Variants in GRK3 observed in about 807,000 individuals in gnomAD.
GRK3 encodes adrenergic, beta, receptor kinase 2.
A neutral mutation model predicts 95.7 loss-of-function variants in GRK3; 54 were observed. The ratio of observed to expected loss-of-function variants is 0.56; its 90% CI spans 0.45 to 0.71. The LOEUF (loss-of-function observed/expected upper bound fraction) is 0.71, where lower values mean the gene tolerates loss of function less well. GRK3 is among the 30% of genes least tolerant of loss of function. The pLI is 0.00. For synonymous variants in GRK3, 281 were observed against 290.8 expected, an observed-to-expected ratio of 0.97 and a Z score of 0.34; for missense variants, 649 against 851.2, an observed-to-expected ratio of 0.76 and a Z score of 2.96.
At chr22:25,643,665 A>G (rs905118971) in intron 2 of GRK3, among the ~76,000 whole-genome samples, 2 of 152,208 alleles carry the variant, frequency 1.3e-5, no homozygotes, top group African/African-American at 2.4e-5. Flanking sequence ...AGCTTGTTCT[A>G]TTTAATTTTG....
chr22:25,569,699 G>A (rs924895294), intron 1 of GRK3, among the ~76,000 whole-genome samples: 1 of 152,214 alleles, frequency 6.6e-6, no homozygotes, highest in African/African-American at 2.4e-5. Context: ...CTAGCAGGAC[G>A]CCTGGCCTCC....
In GRK3 at chr22:25,722,559, TC is replaced by T. The variant is rs912437754; in HGVS notation, c.*112del. ...ATTCGCTACCGGGACTCCTCCAGGCTCCCGAGAGGAGTCGGGACCCTTCGGC... is the reference window on the plus strand; with the variant it reads ...ATTCGCTACCGGGACTCCTCCAGGCTCCGAGAGGAGTCGGGACCCTTCGGC... On this transcript the variant is annotated 3_prime_UTR_variant, in exon 21 of 21. Transcript: ENST00000324198. 154 of 1,204,094 alleles carry T rather than the reference TC, an allele frequency of 1.3e-4. No individual in the cohort carries two copies. Among genetic ancestry groups the T allele is most frequent in the Non-Finnish European group, 1.7e-4 (150 of 863,006 alleles). The allele number at this position is 1,204,094 out of a possible 1,614,324, so 74.6% of individuals were successfully genotyped here.
At chr22:25,625,385 A>G (rs986891990) in intron 2 of GRK3, among the ~76,000 whole-genome samples, 1 of 152,242 alleles carries the variant, frequency 6.6e-6, no homozygotes, top group Non-Finnish European at 1.5e-5. Flanking sequence ...AGTGACCAGC[A>G]GACAAGAGTG....
chr22:25,582,047 C>T (rs987954452), intron 1 of GRK3, among the ~76,000 whole-genome samples: 18 of 152,204 alleles, frequency 1.2e-4, no homozygotes, highest in South Asian at 4.1e-4. Flanking sequence ...GAGGCCGAGG[C>T]GGGTGGATCA....
At chr22:25,596,569 A>C (rs564888412) in intron 1 of GRK3, among the ~76,000 whole-genome samples, 2 of 152,352 alleles carry the variant, frequency 1.3e-5, no homozygotes, top group African/African-American at 4.8e-5. Flanking sequence ...GAGTACTATG[A>C]GTGACTTCTC....
At chr22:25,647,479 T>G (rs1047157493) in intron 3 of GRK3, 4 of 1,348,852 alleles carry the variant, frequency 3.0e-6, no homozygotes, top group Non-Finnish European at 4.3e-6. Flanking sequence ...CTTTTGGAGG[T>G]GGGCATCTTC....
At chr22:25,721,235 A>T in intron 19 of GRK3, 49 bp from the exon 20 acceptor site, 2 of 1,096,150 alleles carry the variant, frequency 1.8e-6, no homozygotes, top group African/African-American at 1.6e-5. Context: ...ATTACTACTT[A>T]AGAAATCACA....
At chr22:25,658,438 C>T (rs147734373) in intron 3 of GRK3, among the ~76,000 whole-genome samples, 3 of 152,328 alleles carry the variant, frequency 2.0e-5, no homozygotes, top group South Asian at 2.1e-4. Context: ...CTCAGCTAGG[C>T]TGCTTAGGGT....
chr22:25,647,020 C>CAAAAAAAAAAAAAAAAAAAAAA (rs1025786169), intron 3 of GRK3, among the ~76,000 whole-genome samples: 9 of 53,958 alleles, frequency 1.7e-4, no homozygotes, highest in East Asian at 5.6e-4. Context: ...GACTTTGTCT[C>CAAAAAAAAAAAAAAAAAAAAAA]AAAAAAAAAA....
chr22:25,721,576 A>C (rs528888483), intron 20 of GRK3, among the ~76,000 whole-genome samples, 179 bp downstream of exon 20: 67 of 152,368 alleles, frequency 4.4e-4, no homozygotes, highest in African/African-American at 1.6e-3. Context: ...GGCAAATATT[A>C]GAAAATGGCA....
intron 5 of GRK3, among the ~76,000 whole-genome samples, chr22:25,663,935 C>A (rs1449171086): frequency 6.6e-6 from 1 of 152,184 alleles, no homozygotes; most frequent in Non-Finnish European, 1.5e-5. Context: ...GTCATTAGAG[C>A]TTTGTCGTAA....
At chr22:25,622,579 G>T (rs1277019625) in intron 2 of GRK3, among the ~76,000 whole-genome samples, 1 of 152,204 alleles carries the variant, frequency 6.6e-6, no homozygotes, top group African/African-American at 2.4e-5. Flanking sequence ...GCAGGGAACT[G>T]CGCAGGAGCC....
chr22:25,646,154 T>C (rs1364934166), intron 3 of GRK3, among the ~76,000 whole-genome samples: 2 of 152,092 alleles, frequency 1.3e-5, no homozygotes, highest in Non-Finnish European at 2.9e-5. Context: ...AGCAAGATCA[T>C]GTGAATCATA....
At chr22:25,714,908 G>A (rs1472986448) in intron 18 of GRK3, 4 of 173,874 alleles carry the variant, frequency 2.3e-5, no homozygotes, top group Non-Finnish European at 3.6e-5. Context: ...TGCCCTGTGC[G>A]GTCATCTGGG....
At chr22:25,670,779 G>T (rs1008537952) in intron 6 of GRK3, among the ~76,000 whole-genome samples, 7 of 151,128 alleles carry the variant, frequency 4.6e-5, no homozygotes, top group Non-Finnish European at 1.0e-4. Context: ...ACCTGGCCGG[G>T]AGGGTGGCTC....
intron 18 of GRK3, 55 bp downstream of exon 18, chr22:25,714,625 T>G: frequency 6.7e-7 from 1 of 1,483,546 alleles, no homozygotes; most frequent in Non-Finnish European, 9.0e-7. Flanking sequence ...TTTCAAAATT[T>G]CTTGTAAAGC....
At chr22:25,616,404 G>GAGAA (rs1676388695) in intron 2 of GRK3, among the ~76,000 whole-genome samples, 1 of 151,752 alleles carries the variant, frequency 6.6e-6, no homozygotes, top group Non-Finnish European at 1.5e-5. Flanking sequence ...GAGAGAGAGA[G>GAGAA]AGAAAGAGAG....
At chr22:25,610,457 A>G (rs2084488147) in intron 2 of GRK3, among the ~76,000 whole-genome samples, 1 of 152,078 alleles carries the variant, frequency 6.6e-6, no homozygotes. Flanking sequence ...AAAGAACGAG[A>G]CTCTGTCTCA....
intron 10 of GRK3, among the ~76,000 whole-genome samples, chr22:25,686,976 C>A (rs541812367): frequency 6.6e-6 from 1 of 152,096 alleles, no homozygotes; most frequent in Non-Finnish European, 1.5e-5. Context: ...TGTGCCACCA[C>A]GCCTGGCTAA....
Sources: allele counts gnomAD v4.1 joint callset (sites outside exome capture counted in the v4.1 genomes callset), GRCh38; gene constraint gnomAD v4.1.1; transcripts MANE v1.5; gene names NCBI Gene and HGNC (gene_info 2026-07-23, HGNC 2026-07-21).